NLGN1: variants seen among roughly 807,000 people sequenced by gnomAD.
NLGN1 encodes the protein neuroligin 1, also known as neuroligin-1.
Under a neutral mutation model 65.5 loss-of-function variants are expected in NLGN1, and 12 were observed. That is an observed-to-expected ratio of 0.18 (90% CI 0.12 to 0.30). NLGN1 has a LOEUF of 0.30. NLGN1 is among the 10% of genes least tolerant of loss of function. The probability of loss-of-function intolerance (pLI) is 1.00; values close to 1 mark genes in which losing one functional copy is unlikely to be tolerated. For missense variants in NLGN1, 750 were observed against 1,007.1 expected (o/e 0.74, Z 3.46); for synonymous variants, 350 against 359.5 (o/e 0.97, Z 0.30).
intron 4 of NLGN1, among the ~76,000 whole-genome samples, chr3:174,100,300 A>G (rs1712125811): frequency 6.6e-6 from 1 of 152,064 alleles, no homozygotes; most frequent in Non-Finnish European, 1.5e-5. Context: ...CTTTATTTTA[A>G]TTTTAGCTAC....
At chr3:173,961,331 C>T (rs897998650) in intron 4 of NLGN1, among the ~76,000 whole-genome samples, 2 of 151,972 alleles carry the variant, frequency 1.3e-5, no homozygotes, top group African/African-American at 4.8e-5. Context: ...ATACCCAGAA[C>T]ATACGCTGAG....
At chr3:173,773,786 T>C in intron 3 of NLGN1, among the ~76,000 whole-genome samples, 1 of 152,316 alleles carries the variant, frequency 6.6e-6, no homozygotes, top group Middle Eastern at 3.4e-3. Flanking sequence ...AAAATAGTTA[T>C]TTCAGAAGTT....
intron 4 of NLGN1, among the ~76,000 whole-genome samples, chr3:173,999,781 T>C (rs1722929477): frequency 6.6e-6 from 1 of 152,122 alleles, no homozygotes; most frequent in African/African-American, 2.4e-5. Flanking sequence ...CAATTGACCT[T>C]TCAATTGAAA....
At chr3:173,605,221 A>G in intron 3 of NLGN1, 130 bp downstream of exon 2, 1 of 713,712 alleles carries the variant, frequency 1.4e-6, no homozygotes, top group Non-Finnish European at 2.2e-6. Flanking sequence ...CATATTTTAC[A>G]TGCGTGCATG....
intron 1 of NLGN1, among the ~76,000 whole-genome samples, chr3:173,404,668 A>T (rs1274747507): frequency 6.6e-6 from 1 of 152,106 alleles, no homozygotes; most frequent in Admixed American, 6.6e-5. Flanking sequence ...TATGTTTTTG[A>T]GTATCTACCT....
chr3:173,485,504 C>T (rs539668812), intron 2 of NLGN1, among the ~76,000 whole-genome samples: 3 of 152,014 alleles, frequency 2.0e-5, no homozygotes, highest in Non-Finnish European at 4.4e-5. Flanking sequence ...TGTTGGGAGT[C>T]GTATTGAATT....
intron 4 of NLGN1, among the ~76,000 whole-genome samples, chr3:173,851,131 A>T (rs1386618326): frequency 6.6e-6 from 1 of 152,166 alleles, no homozygotes; most frequent in East Asian, 1.9e-4. Context: ...GATCAAGACC[A>T]CTGTCCACAT....
At chr3:174,055,619 C>T (rs1444505723) in intron 4 of NLGN1, among the ~76,000 whole-genome samples, 1 of 151,950 alleles carries the variant, frequency 6.6e-6, no homozygotes, top group African/African-American at 2.4e-5. Context: ...GTCCACAGCT[C>T]CTAAGCAACA....
chr3:174,281,561 G>A, exon 7 of NLGN1: 1 of 362,496 alleles, frequency 2.8e-6, no homozygotes, highest in Non-Finnish European at 5.0e-6. Flanking sequence ...ATTTTTTGAA[G>A]ATTTAAGTTA....
At chr3:173,405,117 C>T (rs1242178779) in intron 1 of NLGN1, among the ~76,000 whole-genome samples, 2 of 151,998 alleles carry the variant, frequency 1.3e-5, no homozygotes, top group African/African-American at 4.8e-5. Flanking sequence ...TCATTCATAG[C>T]CATGTTTTTC....
chr3:173,707,594 C>A (rs2149920271), intron 3 of NLGN1, among the ~76,000 whole-genome samples: 1 of 152,040 alleles, frequency 6.6e-6, no homozygotes, highest in African/African-American at 2.4e-5. Context: ...CAACGTGTAC[C>A]CAATGATATG....
At position 173,963,145 on chromosome 3, in the gene NLGN1, G is replaced by A. The variant is rs183949846; in HGVS notation, c.646+155313G>A. On this transcript the variant is annotated intron_variant, in intron 4 of 6. Coordinates refer to ENST00000457714, the Ensembl canonical transcript of NLGN1. ...CATCTGACTTATGCTACAACTATAA[G>A]AAGGAATTATCACATCAATTCCATA... Among the ~76,000 whole-genome samples, 5 of 152,190 alleles carry A rather than the reference G, an allele frequency of 3.3e-5. No homozygotes were observed. The East Asian group carries it at 9.6e-4, about 29-fold the overall frequency.
intron 3 of NLGN1, among the ~76,000 whole-genome samples, chr3:173,726,949 AAAAAG>A (rs1771903637): frequency 6.6e-6 from 1 of 152,070 alleles, no homozygotes; most frequent in South Asian, 2.1e-4. Flanking sequence ...CCAAAAAAAA[AAAAAG>A]AAGAAGAAGA....
intron 4 of NLGN1, among the ~76,000 whole-genome samples, chr3:174,159,168 T>G (rs1030957062): frequency 4.6e-5 from 7 of 151,658 alleles, no homozygotes; most frequent in Non-Finnish European, 8.9e-5. Context: ...AAATGGCTAC[T>G]ACCATAGAAG....
At chr3:173,892,575 T>TAAAAA (rs58100019) in intron 4 of NLGN1, among the ~76,000 whole-genome samples, 2 of 130,998 alleles carry the variant, frequency 1.5e-5, no homozygotes, top group African/African-American at 5.5e-5. Context: ...GAAGGCAAAC[T>TAAAAA]AAAAAAAAAA....
chr3:173,492,754 A>C (rs1729390913), intron 2 of NLGN1, among the ~76,000 whole-genome samples: 1 of 151,888 alleles, frequency 6.6e-6, no homozygotes, highest in African/African-American at 2.4e-5. Flanking sequence ...GGTTGGAAGA[A>C]AACCAAAGAA....
At chr3:173,878,669 T>TACATATATAAGTGTGTGTATATATATAC (rs1732636539) in intron 4 of NLGN1, among the ~76,000 whole-genome samples, 1 of 149,832 alleles carries the variant, frequency 6.7e-6, no homozygotes, top group Non-Finnish European at 1.5e-5. Flanking sequence ...TATATACACA[T>TACATATATAAGTGTGTGTATATATATAC]ACATATATAA....
chr3:173,633,464 C>CA lies in NLGN1; in HGVS notation c.493+28375dup, dbSNP rs1410444641. Among the ~76,000 whole-genome samples the CA allele has an allele frequency of 2.6e-5, 4 of 152,216 alleles. No homozygotes were observed. The East Asian group carries it at 7.7e-4, about 29-fold the overall frequency. ...AGCTGCCATTCCTATCATTGAGCTA[C>CA]AAGGTAAGTGTTTACAACTGATCTT... On this transcript the variant is annotated intron_variant, in intron 3 of 6. Transcript: ENST00000457714.
chr3:173,477,616 A>G (rs1025551263), intron 2 of NLGN1, among the ~76,000 whole-genome samples: 1 of 152,180 alleles, frequency 6.6e-6, no homozygotes, highest in Non-Finnish European at 1.5e-5. Context: ...AAGGGTAGAA[A>G]GGGACCTCCT....
Sources: gnomAD v4.1 joint callset for allele counts (sites outside exome capture counted in the v4.1 genomes callset) on GRCh38, gnomAD v4.1.1 for gene constraint, MANE v1.5 for transcripts, NCBI Gene and HGNC (gene_info 2026-07-23, HGNC 2026-07-21) for gene names.